POLR3B: variants seen among roughly 807,000 people sequenced by gnomAD.
POLR3B encodes the protein RNA polymerase III subunit B.
A neutral mutation model predicts 147.4 loss-of-function variants in POLR3B; 96 were observed. The observed-to-expected ratio is 0.65, with a 90% CI of 0.55 to 0.77. The LOEUF (loss-of-function observed/expected upper bound fraction) is 0.77, where lower values mean the gene tolerates loss of function less well. Among genes scored for constraint, POLR3B ranks in the 30% least tolerant of loss-of-function variants. The probability of loss-of-function intolerance (pLI) is 0.00; values close to 1 mark genes in which losing one functional copy is unlikely to be tolerated. For missense variants in POLR3B, 1,036 were observed against 1,413.5 expected (o/e 0.73, Z 4.28); for synonymous variants, 461 against 485.9 (o/e 0.95, Z 0.67).
chr12:106,503,742 G>A (rs949548837), intron 26 of POLR3B, among the ~76,000 whole-genome samples: 1 of 152,146 alleles, frequency 6.6e-6, no homozygotes, highest in Admixed American at 6.5e-5. Flanking sequence ...AAACTCTGCT[G>A]TCCTAATAAT....
At chr12:106,445,141 C>A (rs1294533340) in intron 19 of POLR3B, among the ~76,000 whole-genome samples, 2 of 152,122 alleles carry the variant, frequency 1.3e-5, no homozygotes, top group Non-Finnish European at 2.9e-5. Context: ...TCTCTTTCAT[C>A]TATTAATTTA....
intron 23 of POLR3B, among the ~76,000 whole-genome samples, chr12:106,471,326 C>G (rs2137045733): frequency 6.6e-6 from 1 of 152,288 alleles, no homozygotes; most frequent in African/African-American, 2.4e-5. Context: ...GGGGAAAGCA[C>G]AGTATTTGGG....
chr12:106,447,483 T>TGGCA (rs2037739011), intron 19 of POLR3B, among the ~76,000 whole-genome samples: 2 of 152,168 alleles, frequency 1.3e-5, no homozygotes, highest in East Asian at 3.9e-4. Context: ...CACTTCTCCA[T>TGGCA]GGGTATGGCT....
In POLR3B at chr12:106,495,704, A is replaced by G. The variant is rs79261139; in HGVS notation, c.2714-351A>G. ...TCACGAACTAGCTAATGAGGAGCAA[A>G]ACTGCTGCTGACTTAAAGCTTCAGG... On this transcript the variant is annotated intron_variant, in intron 23 of 27. Transcript: ENST00000228347. 1.5e-3 allele frequency among the ~76,000 whole-genome samples: 228 copies of G among 152,216 alleles called. 5 individuals carry two copies. Among genetic ancestry groups the G allele is most frequent in the South Asian group, 0.014 (68 of 4,816 alleles).
At chr12:106,367,318 C>A (rs76589887) in intron 4 of POLR3B, among the ~76,000 whole-genome samples, 1,855 of 152,240 alleles carry the variant, frequency 0.012, 33 homozygotes, top group African/African-American at 0.043. Context: ...TTTCACCAAG[C>A]CTTCACTGAT....
chr12:106,490,378 A>G (rs2038391741), intron 23 of POLR3B, among the ~76,000 whole-genome samples: 1 of 152,244 alleles, frequency 6.6e-6, no homozygotes, highest in Non-Finnish European at 1.5e-5. Flanking sequence ...AATTTATCAC[A>G]TCAAACCATT....
chr12:106,451,623 T>G (rs1208611664), intron 19 of POLR3B, among the ~76,000 whole-genome samples: 1 of 63,216 alleles, frequency 1.6e-5, no homozygotes, highest in Non-Finnish European at 2.7e-5. Context: ...CTCTGTTATT[T>G]AAAAAAAGGC....
intron 18 of POLR3B, among the ~76,000 whole-genome samples, 196 bp downstream of exon 18, chr12:106,437,975 C>T (rs577396921): frequency 6.6e-6 from 1 of 152,200 alleles, no homozygotes; most frequent in Non-Finnish European, 1.5e-5. Flanking sequence ...GTTTGCTGTA[C>T]CTATCAACCC....
chr12:106,509,438 A>G lies in POLR3B; in HGVS notation c.3291A>G (p.Ser1097=), dbSNP rs759579343. ...GYSGWCHYCK[S]SCHVSSLRIP... ...GTTTCAGGTGCCATTACTGCAAGTC[A>G]TCCTGCCACGTGTCTTCCCTCCGTA... is the stretch of plus-strand genomic sequence containing the variant. The change falls in exon 28 of 28, where the codon TCA becomes TCG. Residue 1097 remains serine, a synonymous_variant. Transcript: ENST00000228347. The G allele has an allele frequency of 6.8e-6, 11 of 1,613,840 alleles. No homozygotes were observed. The highest frequency in any genetic ancestry group is 9.3e-6 in the Non-Finnish European group (11 of 1,179,864).
At chr12:106,431,340 C>T (rs191683319) in intron 14 of POLR3B, among the ~76,000 whole-genome samples, 127 of 152,262 alleles carry the variant, frequency 8.3e-4, no homozygotes, top group Middle Eastern at 3.4e-3. Context: ...ATATCTTGAA[C>T]TTTGAAACAT....
At chr12:106,386,965 C>T (rs1319994500) in intron 9 of POLR3B, among the ~76,000 whole-genome samples, 1 of 152,074 alleles carries the variant, frequency 6.6e-6, no homozygotes, top group Non-Finnish European at 1.5e-5. Flanking sequence ...TATTGTACAT[C>T]TATACACGCA....
At chr12:106,395,906 G>T (rs1166666359) in intron 10 of POLR3B, among the ~76,000 whole-genome samples, 1 of 152,056 alleles carries the variant, frequency 6.6e-6, no homozygotes, top group Non-Finnish European at 1.5e-5. Context: ...GGAGGCGGAG[G>T]TTGCAGTGAG....
intron 10 of POLR3B, among the ~76,000 whole-genome samples, chr12:106,397,811 G>A (rs1248867409): frequency 1.3e-5 from 2 of 152,200 alleles, no homozygotes; most frequent in Non-Finnish European, 2.9e-5. Flanking sequence ...TTGTGTGGAT[G>A]TGTGGACATT....
intron 12 of POLR3B, among the ~76,000 whole-genome samples, chr12:106,419,527 C>T (rs2037346995): frequency 6.6e-6 from 1 of 152,128 alleles, no homozygotes; most frequent in South Asian, 2.1e-4. Flanking sequence ...AAATCTTTAG[C>T]TTAAACATAC....
intron 12 of POLR3B, among the ~76,000 whole-genome samples, chr12:106,420,094 A>C (rs2037355456): frequency 6.6e-6 from 1 of 152,070 alleles, no homozygotes; most frequent in Non-Finnish European, 1.5e-5. Flanking sequence ...TCTAAGAGTA[A>C]GTGTTTCCCA....
intron 23 of POLR3B, among the ~76,000 whole-genome samples, chr12:106,471,742 G>C (rs2038095180): frequency 6.6e-6 from 1 of 152,126 alleles, no homozygotes; most frequent in Non-Finnish European, 1.5e-5. Context: ...ATGAATGAGT[G>C]AATGAAATTG....
At chr12:106,398,194 A>C (rs7315549) in intron 10 of POLR3B, among the ~76,000 whole-genome samples, 59,931 of 152,132 alleles carry the variant, frequency 0.39, 14,042 homozygotes, top group African/African-American at 0.66. Context: ...TATCCCGCAC[A>C]TGACTCGGAG....
chr12:106,457,756 TGATCAGAG>T (rs1224182033), intron 21 of POLR3B, among the ~76,000 whole-genome samples: 1 of 152,208 alleles, frequency 6.6e-6, no homozygotes, highest in African/African-American at 2.4e-5. Flanking sequence ...AGACTGACAT[TGATCAGAG>T]GATCATGCAT....
chr12:106,424,162 G>A (rs2037407048), intron 12 of POLR3B, among the ~76,000 whole-genome samples: 1 of 144,424 alleles, frequency 6.9e-6, no homozygotes, highest in Admixed American at 6.8e-5. Flanking sequence ...CCCTCATGGT[G>A]TCTTTTAACA....
Sources: gnomAD v4.1 joint callset for allele counts (sites outside exome capture counted in the v4.1 genomes callset) on GRCh38, gnomAD v4.1.1 for gene constraint, MANE v1.5 for transcripts, NCBI Gene and HGNC (gene_info 2026-07-23, HGNC 2026-07-21) for gene names.